HS3ST2: variants seen among roughly 807,000 people sequenced by gnomAD.
HS3ST2 encodes the protein heparan sulfate glucosamine 3-O-sulfotransferase 2.
In HS3ST2, 17 loss-of-function variants were observed where a neutral mutation model predicts 26.3. The observed-to-expected ratio is 0.65, with a 90% CI of 0.44 to 0.97. The LOEUF (loss-of-function observed/expected upper bound fraction) is 0.97. Among genes scored for constraint, HS3ST2 ranks in the 50% least tolerant of loss-of-function variants. The probability of loss-of-function intolerance (pLI) is 0.00; values close to 1 mark genes in which losing one functional copy is unlikely to be tolerated. For synonymous variants in HS3ST2, 237 were observed against 219.2 expected (o/e 1.08, Z -0.72); for missense variants, 402 against 501.2 (o/e 0.80, Z 1.89).
chr16:22,870,194 C>T (rs962101054), intron 1 of HS3ST2, among the ~76,000 whole-genome samples: 5 of 152,104 alleles, frequency 3.3e-5, no homozygotes, highest in African/African-American at 4.8e-5. Context: ...CTGACTCGCT[C>T]ATGCATATAT....
intron 1 of HS3ST2, among the ~76,000 whole-genome samples, chr16:22,858,269 G>A (rs771979901): frequency 2.0e-5 from 3 of 151,140 alleles, no homozygotes; most frequent in Non-Finnish European, 4.4e-5. Context: ...TGATTATTAT[G>A]CATTGCATGT....
intron 1 of HS3ST2, among the ~76,000 whole-genome samples, chr16:22,912,499 G>A (rs1372593575): frequency 2.0e-5 from 3 of 152,132 alleles, no homozygotes; most frequent in Non-Finnish European, 2.9e-5. Context: ...GCCTTGGGGA[G>A]TTCTTGGCTT....
chr16:22,883,166 C>A (rs1902014480), intron 1 of HS3ST2, among the ~76,000 whole-genome samples: 1 of 152,164 alleles, frequency 6.6e-6, no homozygotes, highest in Non-Finnish European at 1.5e-5. Context: ...TTCCCAAGCA[C>A]ATGAGCCATT....
chr16:22,818,727 C>T (rs1596601154), intron 1 of HS3ST2, among the ~76,000 whole-genome samples: 1 of 52,274 alleles, frequency 1.9e-5, no homozygotes, highest in African/African-American at 1.1e-4. Context: ...TTCCTTCCCT[C>T]CCTCCCTCCT....
chr16:22,845,115 A>G (rs911883831), intron 1 of HS3ST2, among the ~76,000 whole-genome samples: 6 of 147,874 alleles, frequency 4.1e-5, no homozygotes, highest in South Asian at 2.1e-4. Flanking sequence ...CGGCCTCCCA[A>G]AGTGTTGGGA....
At chr16:22,822,474 A>AT (rs1252911659) in intron 1 of HS3ST2, among the ~76,000 whole-genome samples, 1 of 152,036 alleles carries the variant, frequency 6.6e-6, no homozygotes, top group African/African-American at 2.4e-5. Flanking sequence ...AACCTTCTTA[A>AT]TTTTTTTGCT....
At chr16:22,907,441 G>A (rs938343442) in intron 1 of HS3ST2, among the ~76,000 whole-genome samples, 8 of 152,182 alleles carry the variant, frequency 5.3e-5, no homozygotes, top group African/African-American at 1.7e-4. Context: ...GAGCATGGAG[G>A]GCAGAGAGAA....
At chr16:22,900,232 G>C (rs2239337) in intron 1 of HS3ST2, among the ~76,000 whole-genome samples, 17,331 of 152,224 alleles carry the variant, frequency 0.11, 1,957 homozygotes, top group East Asian at 0.34. Context: ...TGCCATGCAT[G>C]CTGTTTCGTG....
At chr16:22,910,051 A>AG (rs954627650) in intron 1 of HS3ST2, among the ~76,000 whole-genome samples, 9 of 151,570 alleles carry the variant, frequency 5.9e-5, no homozygotes, top group African/African-American at 2.2e-4. Context: ...AAAAAAAAAA[A>AG]AAAGAAAGAA....
chr16:22,816,779 C>T (rs1051817812), intron 1 of HS3ST2, among the ~76,000 whole-genome samples: 6 of 152,222 alleles, frequency 3.9e-5, no homozygotes, highest in Non-Finnish European at 7.3e-5. Flanking sequence ...TCAGCCATGA[C>T]CACATTCGAA....
At chr16:22,844,035 ACG>A (rs1491180685) in intron 1 of HS3ST2, among the ~76,000 whole-genome samples, 89 of 148,392 alleles carry the variant, frequency 6.0e-4, no homozygotes, top group African/African-American at 2.0e-3. Context: ...ACACACACAC[ACG>A]CACACACACA....
At chr16:22,832,736 G>C (rs1901192299) in intron 1 of HS3ST2, among the ~76,000 whole-genome samples, 1 of 151,254 alleles carries the variant, frequency 6.6e-6, no homozygotes, top group African/African-American at 2.4e-5. Flanking sequence ...AGTTGAAGGG[G>C]ATACGAGATG....
intron 1 of HS3ST2, among the ~76,000 whole-genome samples, chr16:22,847,379 A>G (rs1037208274): frequency 6.6e-6 from 1 of 152,200 alleles, no homozygotes; most frequent in African/African-American, 2.4e-5. Flanking sequence ...ACACAGATAG[A>G]TCTTAAAAGC....
intron 1 of HS3ST2, among the ~76,000 whole-genome samples, chr16:22,827,717 T>TC (rs1329815326): frequency 5.4e-5 from 8 of 148,372 alleles, no homozygotes; most frequent in Non-Finnish European, 1.2e-4. Context: ...TTTCTTTTTT[T>TC]TTTTTTTTTT....
chr16:22,833,394 A>G, intron 1 of HS3ST2: 5 of 443,112 alleles, frequency 1.1e-5, no homozygotes, highest in South Asian at 8.0e-5. Context: ...AATTAAATTC[A>G]TGGAAGCAGC....
At chr16:22,898,843 C>T (rs751115753) in intron 1 of HS3ST2, among the ~76,000 whole-genome samples, 1 of 152,200 alleles carries the variant, frequency 6.6e-6, no homozygotes, top group African/African-American at 2.4e-5. Flanking sequence ...AAAACCAACT[C>T]CTGCTCACCC....
chr16:22,817,637 GCT>G (rs1900890231), intron 1 of HS3ST2, among the ~76,000 whole-genome samples: 1 of 152,110 alleles, frequency 6.6e-6, no homozygotes, highest in East Asian at 1.9e-4. Context: ...AGGATGTTCC[GCT>G]CTCTGTCCAC....
chr16:22,891,908 T>G (rs1317743229), intron 1 of HS3ST2, among the ~76,000 whole-genome samples: 2 of 151,796 alleles, frequency 1.3e-5, no homozygotes, highest in Non-Finnish European at 2.9e-5. Context: ...GCACAGGGAG[T>G]AAAGCAGTGA....
Position 22,814,651 on chromosome 16 carries a change from C to A in HS3ST2, c.41C>A (p.Pro14Gln). ...CTGGGCCGCGCGGGGCCACCTCAGC[C>A]GCGGAGGGCGCGCAGGCTGCTCTTC... ...RVLGRAGPPQ[P>Q]RRARRLLFAF... Residue 14 changes from proline to glutamine, a missense_variant, in exon 1 of 2, where the codon CCG becomes CAG. Physicochemically the swap from Pro to Gln is moderately conservative, Grantham distance 76 (BLOSUM62 -1). Around this residue, in one of 2 missense-constraint regions of HS3ST2, gnomAD observed 165 missense variants for 154.6 expected, o/e 1.07. Coordinates refer to ENST00000261374, the MANE Select transcript of HS3ST2 (RefSeq NM_006043.2). 2 of 1,561,200 alleles carry A rather than the reference C, an allele frequency of 1.3e-6. No homozygotes were observed. Among genetic ancestry groups the A allele is most frequent in the East Asian group, 4.8e-5 (2 of 41,588 alleles).
Sources: allele counts gnomAD v4.1 joint callset (sites outside exome capture counted in the v4.1 genomes callset), GRCh38; gene constraint gnomAD v4.1.1; regional missense constraint gnomAD v4.1.1; transcripts MANE v1.5; gene names NCBI Gene and HGNC (gene_info 2026-07-23, HGNC 2026-07-21).